Variants in KIF15 observed in about 807,000 individuals in gnomAD.
KIF15 encodes kinesin family member 15.
A neutral mutation model predicts 190.6 loss-of-function variants in KIF15; 140 were observed. The ratio of observed to expected loss-of-function variants is 0.73; its 90% CI spans 0.64 to 0.84. KIF15 has a LOEUF of 0.84. KIF15 is among the 40% of genes least tolerant of loss of function. KIF15 has a pLI of 0.00. For missense variants in KIF15, 1,372 were observed against 1,584.4 expected, an observed-to-expected ratio of 0.87 and a Z score of 2.28; for synonymous variants, 528 against 551.3, an observed-to-expected ratio of 0.96 and a Z score of 0.59.
intron 8 of KIF15, among the ~76,000 whole-genome samples, chr3:44,796,915 C>T (rs552979832): frequency 3.7e-4 from 56 of 152,236 alleles, no homozygotes; most frequent in African/African-American, 1.3e-3. Flanking sequence ...TAATGCACTA[C>T]TCTAGCTTTT....
At chr3:44,801,274 C>T (rs994279786) in intron 11 of KIF15, among the ~76,000 whole-genome samples, 176 bp from the exon 12 acceptor site, 1 of 151,828 alleles carries the variant, frequency 6.6e-6, no homozygotes, top group Non-Finnish European at 1.5e-5. Context: ...GAAAGATATC[C>T]GTCTGCTTCA....
chr3:44,793,687 A>G (rs1424507569), intron 7 of KIF15, among the ~76,000 whole-genome samples: 1 of 152,214 alleles, frequency 6.6e-6, no homozygotes, highest in African/African-American at 2.4e-5. Flanking sequence ...AAGCTAGATA[A>G]CAATGGAAGG....
chr3:44,841,421 G>A (rs1231194951), intron 29 of KIF15, among the ~76,000 whole-genome samples, 183 bp downstream of exon 29: 4 of 147,898 alleles, frequency 2.7e-5, no homozygotes, highest in African/African-American at 5.0e-5. Flanking sequence ...TTTTTGAGAC[G>A]GAGTCTGCCT....
At position 44,802,811 on chromosome 3, in the gene KIF15, C is replaced by T. The variant is rs779068512; in HGVS notation, c.1510-3C>T. ...TAATGCGTGTAATTCTTCTATGTCA[C>T]AGATAGAGCACCACCCCAGAGTTGC... is the stretch of plus-strand genomic sequence containing the variant. On this transcript the variant is annotated splice_region_variant and splice_polypyrimidine_tract_variant and intron_variant, in intron 13 of 34. Transcript: ENST00000326047. The T allele has an allele frequency of 1.3e-6, 2 of 1,558,154 alleles. No individual in the cohort carries two copies. The highest frequency in any genetic ancestry group is 1.7e-6 in the Non-Finnish European group (2 of 1,160,308).
intron 16 of KIF15, among the ~76,000 whole-genome samples, chr3:44,808,609 TAA>T (rs375836574): frequency 4.4e-4 from 64 of 146,466 alleles, no homozygotes; most frequent in African/African-American, 1.5e-3. Flanking sequence ...TTTTTTTTTT[TAA>T]AAAAAAACGG....
Position 44,802,913 on chromosome 3 carries a change from C to T in KIF15, c.1609C>T (p.Gln537Ter), listed in dbSNP as rs749993286. 6.2e-7 allele frequency: 1 copy of T among 1,612,298 alleles called. No individual in the cohort carries two copies. Among genetic ancestry groups the T allele is most frequent in the Admixed American group, 1.7e-5 (1 of 59,404 alleles). ...LRLLEPVKRA[Q>*]EMDAQTIAKL... ...ATTATTAGAGCCTGTGAAAAGAGCT[C>T]AAGAAATGGATGCCCAGACCATTGC... Residue 537 changes from glutamine to a stop codon, truncating the protein, a stop_gained, in exon 14 of 35, where the codon CAA becomes TAA. Coordinates refer to ENST00000326047, the MANE Select transcript of KIF15 (RefSeq NM_020242.3). LOFTEE classifies it high-confidence loss of function.
intron 6 of KIF15, chr3:44,864,021 C>A: frequency 1.6e-6 from 1 of 631,470 alleles, no homozygotes; most frequent in Non-Finnish European, 2.7e-6. Context: ...GATGGGTCTG[C>A]TGCCCACTGA....
At chr3:44,864,117 A>G in intron 6 of KIF15, 1 of 1,582,276 alleles carries the variant, frequency 6.3e-7, no homozygotes, top group Non-Finnish European at 8.6e-7. Flanking sequence ...GCCAGCAACC[A>G]CAGTCCTGGG....
chr3:44,829,648 T>G (rs867865561), intron 24 of KIF15, among the ~76,000 whole-genome samples: 7 of 128,030 alleles, frequency 5.5e-5, no homozygotes, highest in African/African-American at 1.9e-4. Flanking sequence ...ATATATTATA[T>G]ATGTATATAT....
Position 44,778,172 on chromosome 3 carries a change from A to C in KIF15, c.304A>C (p.Asn102His). The change falls in exon 4 of 35, where the codon AAT becomes CAT. Residue 102 changes from asparagine to histidine, a missense_variant. Coordinates refer to ENST00000326047, the MANE Select transcript of KIF15 (RefSeq NM_020242.3). ...TGTGGAGTCTTGCATGAGCGGTTATAATGGTACCATCTTTGCATAGTAAGT... is the reference window on the plus strand; with the variant it reads ...TGTGGAGTCTTGCATGAGCGGTTATCATGGTACCATCTTTGCATAGTAAGT... ...SIVESCMSGY[N>H]GTIFAYGQTG... 5.0e-6 allele frequency: 8 copies of C among 1,613,424 alleles called. No homozygotes were observed. Among genetic ancestry groups the C allele is most frequent in the Non-Finnish European group, 6.8e-6 (8 of 1,179,314 alleles).
At chr3:44,865,159 C>T in intron 6 of KIF15, 2 of 1,614,144 alleles carry the variant, frequency 1.2e-6, no homozygotes, top group South Asian at 2.2e-5. Context: ...CCTGGAAGCC[C>T]CTTCCACACA....
intron 3 of KIF15, among the ~76,000 whole-genome samples, chr3:44,775,866 G>A (rs555572803): frequency 8.1e-4 from 123 of 151,860 alleles, no homozygotes; most frequent in Non-Finnish European, 1.3e-3. Context: ...AAATCATGAG[G>A]TCAGGAGATC....
chr3:44,770,374 T>C (rs1705590400), intron 1 of KIF15, among the ~76,000 whole-genome samples: 1 of 152,232 alleles, frequency 6.6e-6, no homozygotes, highest in Admixed American at 6.5e-5. Context: ...TAGGACTTTC[T>C]AAAGCTGAAC....
chr3:44,817,231 G>T (rs1464506677), intron 20 of KIF15, among the ~76,000 whole-genome samples: 1 of 152,076 alleles, frequency 6.6e-6, no homozygotes, highest in Non-Finnish European at 1.5e-5. Flanking sequence ...CTGTGCAGAG[G>T]CTCTTTAGTT....
intron 4 of KIF15, among the ~76,000 whole-genome samples, chr3:44,779,257 G>C (rs1054391179): frequency 6.6e-6 from 1 of 152,058 alleles, no homozygotes; most frequent in East Asian, 1.9e-4. Context: ...GGCTCATCTT[G>C]TGTTTTCCCT....
At chr3:44,820,753 A>G (rs986025651) in intron 20 of KIF15, among the ~76,000 whole-genome samples, 8 of 152,014 alleles carry the variant, frequency 5.3e-5, no homozygotes, top group African/African-American at 1.9e-4. Context: ...TCTACCTCCT[A>G]CTACACAAAC....
At chr3:44,821,423 A>T (rs936960004) in intron 20 of KIF15, among the ~76,000 whole-genome samples, 6 of 133,630 alleles carry the variant, frequency 4.5e-5, no homozygotes, top group Non-Finnish European at 9.9e-5. Context: ...GGTCGGGCAG[A>T]GACGCTCCTC....
intron 20 of KIF15, among the ~76,000 whole-genome samples, chr3:44,824,796 G>T (rs1478041744): frequency 6.6e-6 from 1 of 152,092 alleles, no homozygotes. Flanking sequence ...GTCTCACTTT[G>T]TCACCCAGGC....
intron 20 of KIF15, among the ~76,000 whole-genome samples, chr3:44,817,098 T>C (rs1225756554): frequency 1.3e-5 from 2 of 152,202 alleles, no homozygotes; most frequent in Non-Finnish European, 2.9e-5. Flanking sequence ...TTTGTTTTTT[T>C]CTTGTAAATT....
Sources: gnomAD v4.1 joint callset for allele counts (sites outside exome capture counted in the v4.1 genomes callset) on GRCh38, gnomAD v4.1.1 for gene constraint, MANE v1.5 for transcripts, NCBI Gene and HGNC (gene_info 2026-07-23, HGNC 2026-07-21) for gene names.